Variants in RANBP2 observed in about 807,000 individuals in gnomAD.
The protein encoded by RANBP2 is RAN binding protein 2.
A neutral mutation model predicts 303.6 loss-of-function variants in RANBP2; 57 were observed. The ratio of observed to expected loss-of-function variants is 0.19; its 90% CI spans 0.15 to 0.23. The LOEUF is 0.23. RANBP2 is among the 10% of genes least tolerant of loss of function. The probability of loss-of-function intolerance (pLI) is 1.00; values close to 1 mark genes in which losing one functional copy is unlikely to be tolerated. For synonymous variants in RANBP2, 1,167 were observed against 1,301.5 expected (o/e 0.90, Z 2.23); for missense variants, 3,138 against 3,780.8 (o/e 0.83, Z 4.46).
chr2:109,357,605 C>A, the RANBP2 span, among the ~76,000 whole-genome samples: 22,548 of 152,214 alleles, frequency 0.15, 1,968 homozygotes, highest in Middle Eastern at 0.24. Context: ...TTGCTCTTGA[C>A]CTTCACATCA....
At chr2:109,486,265 C>T in the RANBP2 span, among the ~76,000 whole-genome samples, 1 of 152,168 alleles carries the variant, frequency 6.6e-6, no homozygotes, top group African/African-American at 2.4e-5. Flanking sequence ...TCATTTCAGA[C>T]CCACAGAAGC....
chr2:108,724,802 TC>T (rs1694559840), intron 1 of RANBP2, among the ~76,000 whole-genome samples: 1 of 151,818 alleles, frequency 6.6e-6, no homozygotes, highest in African/African-American at 2.4e-5. Flanking sequence ...TTCCTCATTG[TC>T]CTGTATAATC....
chr2:108,844,822 A>G, the RANBP2 span, among the ~76,000 whole-genome samples: 1 of 147,460 alleles, frequency 6.8e-6, no homozygotes, highest in African/African-American at 2.5e-5. Context: ...ATCTCGGCTC[A>G]CTGCAACCTC....
the RANBP2 span, among the ~76,000 whole-genome samples, chr2:109,690,903 G>T: frequency 6.6e-6 from 1 of 152,116 alleles, no homozygotes; most frequent in Admixed American, 6.5e-5. Flanking sequence ...TTGACCTTGT[G>T]ATTATCTCTT....
chr2:109,307,561 T>C, the RANBP2 span, among the ~76,000 whole-genome samples: 1 of 136,426 alleles, frequency 7.3e-6, no homozygotes, highest in East Asian at 2.2e-4. Flanking sequence ...CTCCCAATGC[T>C]ATCCCTCCCC....
chr2:109,229,529 C>T, the RANBP2 span, among the ~76,000 whole-genome samples: 2 of 152,068 alleles, frequency 1.3e-5, no homozygotes, highest in Admixed American at 6.5e-5. Flanking sequence ...GCTTGAGAGC[C>T]CGATACGGGA....
At chr2:109,521,575 G>A in the RANBP2 span, among the ~76,000 whole-genome samples, 1 of 152,184 alleles carries the variant, frequency 6.6e-6, no homozygotes, top group Non-Finnish European at 1.5e-5. Context: ...TCGCGGTCCC[G>A]AGATTTCACT....
chr2:108,918,844 T>G, the RANBP2 span, among the ~76,000 whole-genome samples: 1 of 152,148 alleles, frequency 6.6e-6, no homozygotes, highest in Non-Finnish European at 1.5e-5. Context: ...GGTAAAAGAT[T>G]GCATTTTTAG....
At chr2:109,185,947 C>T in the RANBP2 span, among the ~76,000 whole-genome samples, 2 of 152,070 alleles carry the variant, frequency 1.3e-5, no homozygotes, top group Non-Finnish European at 2.9e-5. Context: ...CCCTGTGCCC[C>T]GTGCTTGGCC....
the RANBP2 span, among the ~76,000 whole-genome samples, chr2:109,036,617 T>C: frequency 6.6e-6 from 1 of 152,134 alleles, no homozygotes; most frequent in South Asian, 2.1e-4. Flanking sequence ...GAAAAAAAGA[T>C]TAACACAATC....
chr2:109,407,919 A>G, the RANBP2 span, among the ~76,000 whole-genome samples: 1,640 of 152,240 alleles, frequency 0.011, 32 homozygotes, highest in African/African-American at 0.038. Flanking sequence ...AAGCTTACCA[A>G]TCACAGTGCA....
At chr2:109,049,773 A>G in the RANBP2 span, among the ~76,000 whole-genome samples, 6 of 152,228 alleles carry the variant, frequency 3.9e-5, no homozygotes, top group East Asian at 1.9e-4. Flanking sequence ...GAGTGTTTCA[A>G]TAAAATCTTT....
At chr2:109,530,686 T>C in the RANBP2 span, among the ~76,000 whole-genome samples, 1 of 152,230 alleles carries the variant, frequency 6.6e-6, no homozygotes, top group Non-Finnish European at 1.5e-5. Flanking sequence ...GTTCAGTTTC[T>C]AACCATCTAA....
the RANBP2 span, chr2:108,908,029 CAA>C: frequency 9.3e-6 from 15 of 1,605,650 alleles, no homozygotes; most frequent in South Asian, 1.7e-4. Context: ...GCTGCAAAAA[CAA>C]GAGCGATGGT....
At chr2:109,349,947 C>T in the RANBP2 span, among the ~76,000 whole-genome samples, 6 of 152,354 alleles carry the variant, frequency 3.9e-5, no homozygotes, top group South Asian at 4.1e-4. Context: ...GACTCTGTGT[C>T]GGGTACTAGA....
chr2:109,394,400 A>T, the RANBP2 span, among the ~76,000 whole-genome samples: 1 of 152,068 alleles, frequency 6.6e-6, no homozygotes, highest in Non-Finnish European at 1.5e-5. Context: ...CTCCCACCCC[A>T]TCCGGTTTCA....
At chr2:109,128,214 TG>T in the RANBP2 span, 8 of 152,248 alleles carry the variant, frequency 5.3e-5, no homozygotes, top group African/African-American at 1.9e-4. Flanking sequence ...CAAACTTCCC[TG>T]CTGCTCTCGG....
At chr2:109,249,623 TTCTC>T in the RANBP2 span, among the ~76,000 whole-genome samples, 9 of 148,038 alleles carry the variant, frequency 6.1e-5, no homozygotes, top group Non-Finnish European at 1.5e-5. Context: ...TTCTCTTTCT[TTCTC>T]TCTCTCTTTC....
At chr2:109,216,424 A>T in the RANBP2 span, among the ~76,000 whole-genome samples, 1 of 152,262 alleles carries the variant, frequency 6.6e-6, no homozygotes, top group Non-Finnish European at 1.5e-5. Context: ...TTTGCAGAGG[A>T]GGAACCTGAG....
Sources: allele counts gnomAD v4.1 joint callset (sites outside exome capture counted in the v4.1 genomes callset), GRCh38; gene constraint gnomAD v4.1.1; transcripts MANE v1.5; gene names NCBI Gene and HGNC (gene_info 2026-07-23, HGNC 2026-07-21).